Variants in NRG1 observed in about 807,000 individuals in gnomAD.
The protein encoded by NRG1 is pro-neuregulin-1, membrane-bound isoform.
A neutral mutation model predicts 63.8 loss-of-function variants in NRG1; 18 were observed. The observed-to-expected ratio is 0.28, with a 90% CI of 0.19 to 0.42. The LOEUF is 0.42. Ranked by LOEUF, NRG1 falls within the 10% of genes least tolerant of loss-of-function variation. The pLI, the probability that NRG1 is intolerant of heterozygous loss-of-function variation, is 1.00. For missense variants in NRG1, 762 were observed against 814.7 expected (o/e 0.94, Z 0.79); for synonymous variants, 302 against 301.3 (o/e 1.00, Z -0.02).
At chr8:32,170,519 C>T (rs983713371) in intron 1 of NRG1, among the ~76,000 whole-genome samples, 1 of 152,106 alleles carries the variant, frequency 6.6e-6, no homozygotes, top group African/African-American at 2.4e-5. Flanking sequence ...ATCTATGGAC[C>T]CAACTGGAAT....
chr8:32,112,165 C>T (rs1372759545), intron 1 of NRG1, among the ~76,000 whole-genome samples: 3 of 152,184 alleles, frequency 2.0e-5, no homozygotes, highest in African/African-American at 7.2e-5. Context: ...CAAAGGATCA[C>T]TGAAATATTC....
At chr8:32,420,004 G>T (rs182023168) in intron 1 of NRG1, among the ~76,000 whole-genome samples, 9 of 152,256 alleles carry the variant, frequency 5.9e-5, no homozygotes, top group African/African-American at 1.9e-4. Flanking sequence ...TTGGTCAATG[G>T]CATCAGAGAA....
intron 5 of NRG1, among the ~76,000 whole-genome samples, chr8:32,644,757 G>A (rs1853143088): frequency 6.6e-6 from 1 of 151,238 alleles, no homozygotes; most frequent in African/African-American, 2.4e-5. Context: ...TTCTCTGTAA[G>A]TGTTGGGTAT....
chr8:32,032,265 A>C (rs565694447), intron 1 of NRG1, among the ~76,000 whole-genome samples: 3 of 144,060 alleles, frequency 2.1e-5, no homozygotes, highest in South Asian at 2.2e-4. Flanking sequence ...TTTTTCTTTT[A>C]TTTTCTTTTT....
chr8:32,296,378 T>C (rs1055561289), intron 1 of NRG1, among the ~76,000 whole-genome samples: 1 of 151,950 alleles, frequency 6.6e-6, no homozygotes, highest in Non-Finnish European at 1.5e-5. Context: ...TCACCTGAGG[T>C]CAGGAGTTCA....
downstream of NRG1, among the ~76,000 whole-genome samples, chr8:32,771,269 C>A: frequency 7.0e-6 from 1 of 142,844 alleles, no homozygotes; most frequent in African/African-American, 2.6e-5. Flanking sequence ...CTCCACCATG[C>A]CCAGCGATTT....
chr8:32,332,878 A>T (rs954246891), intron 1 of NRG1, among the ~76,000 whole-genome samples: 1 of 152,216 alleles, frequency 6.6e-6, no homozygotes, highest in Non-Finnish European at 1.5e-5. Flanking sequence ...CTTTTTAATG[A>T]TTTAAATAAT....
At chr8:32,746,302 A>C (rs1827409950) in intron 7 of NRG1, among the ~76,000 whole-genome samples, 1 of 152,214 alleles carries the variant, frequency 6.6e-6, no homozygotes, top group African/African-American at 2.4e-5. Context: ...TCCTGTTTAG[A>C]ATTGGCATTG....
At chr8:32,568,212 G>A (rs1379530561) in intron 1 of NRG1, among the ~76,000 whole-genome samples, 1 of 152,174 alleles carries the variant, frequency 6.6e-6, no homozygotes, top group Non-Finnish European at 1.5e-5. Flanking sequence ...GCTCCTACAT[G>A]TCTAAAATAC....
At chr8:32,207,316 G>T (rs1793066340) in intron 1 of NRG1, among the ~76,000 whole-genome samples, 1 of 151,900 alleles carries the variant, frequency 6.6e-6, no homozygotes, top group Non-Finnish European at 1.5e-5. Context: ...TGCAGTTTCT[G>T]CCATTTCTCT....
At chr8:32,728,034 C>G (rs1331104094) in exon 6 of NRG1, 1 of 1,614,056 alleles carries the variant, frequency 6.2e-7, no homozygotes, top group Non-Finnish European at 8.5e-7. Context: ...GAGGGGAGTG[C>G]TTCATGGTGA....
chr8:32,688,638 C>T (rs546546830), intron 5 of NRG1, among the ~76,000 whole-genome samples: 18 of 152,164 alleles, frequency 1.2e-4, no homozygotes, highest in Non-Finnish European at 2.2e-4. Context: ...CAAGGAGTTT[C>T]ATGCCTCAGT....
intron 1 of NRG1, among the ~76,000 whole-genome samples, chr8:31,849,317 C>A (rs1316797084): frequency 6.6e-6 from 1 of 152,304 alleles, no homozygotes. Context: ...TCCCACACCG[C>A]ACAGCTGCAT....
At chr8:32,325,505 G>A (rs1014466484) in intron 1 of NRG1, among the ~76,000 whole-genome samples, 1 of 152,126 alleles carries the variant, frequency 6.6e-6, no homozygotes, top group African/African-American at 2.4e-5. Context: ...TCAGCCTTCT[G>A]AGCAGCTGGG....
At chr8:32,322,103 G>T (rs1300520587) in intron 1 of NRG1, among the ~76,000 whole-genome samples, 2 of 151,860 alleles carry the variant, frequency 1.3e-5, no homozygotes, top group African/African-American at 2.4e-5. Flanking sequence ...ACTTGAGCCT[G>T]GCGGTTCCAG....
intron 1 of NRG1, among the ~76,000 whole-genome samples, chr8:32,376,596 G>T (rs886979348): frequency 6.6e-6 from 1 of 152,148 alleles, no homozygotes; most frequent in Non-Finnish European, 1.5e-5. Flanking sequence ...TATAAATTGG[G>T]GCTATCCATT....
At chr8:32,226,181 A>G (rs546392003) in intron 1 of NRG1, among the ~76,000 whole-genome samples, 3 of 152,300 alleles carry the variant, frequency 2.0e-5, no homozygotes, top group East Asian at 3.9e-4. Context: ...CATGTCCCCA[A>G]AGATTTACTA....
intron 1 of NRG1, among the ~76,000 whole-genome samples, chr8:31,685,125 C>T (rs972832063): frequency 1.3e-5 from 2 of 152,020 alleles, no homozygotes; most frequent in African/African-American, 4.8e-5. Flanking sequence ...AAAATGTAGT[C>T]GATGCTGTTT....
intron 1 of NRG1, among the ~76,000 whole-genome samples, chr8:32,162,833 C>T (rs2131929250): frequency 6.6e-6 from 1 of 152,292 alleles, no homozygotes; most frequent in Non-Finnish European, 1.5e-5. Flanking sequence ...TGTGTAATTA[C>T]TCCCACCTGC....
Sources: gnomAD v4.1 joint callset for allele counts (sites outside exome capture counted in the v4.1 genomes callset) on GRCh38, gnomAD v4.1.1 for gene constraint, MANE v1.5 for transcripts, NCBI Gene and HGNC (gene_info 2026-07-23, HGNC 2026-07-21) for gene names.